METTL16: variants seen among roughly 807,000 people sequenced by gnomAD.
The protein encoded by METTL16 is RNA N(6)-adenosine-methyltransferase METTL16.
In METTL16, 19 loss-of-function variants were observed where a neutral mutation model predicts 57.9. The ratio of observed to expected loss-of-function variants is 0.33; its 90% CI spans 0.23 to 0.48. The LOEUF is 0.48. METTL16 is among the 20% of genes least tolerant of loss of function. The pLI, the probability that METTL16 is intolerant of heterozygous loss-of-function variation, is 0.99. For synonymous variants in METTL16, 246 were observed against 255.6 expected, an observed-to-expected ratio of 0.96 and a Z score of 0.36; for missense variants, 434 against 691.5, an observed-to-expected ratio of 0.63 and a Z score of 4.18.
intron 6 of METTL16, among the ~76,000 whole-genome samples, chr17:2,462,697 T>C (rs888891874): frequency 1.3e-5 from 2 of 152,160 alleles, no homozygotes; most frequent in African/African-American, 4.8e-5. Context: ...CCTTCCGCCA[T>C]GATTGTACGT....
intron 1 of METTL16, among the ~76,000 whole-genome samples, chr17:2,507,754 G>A (rs1464498669): frequency 6.6e-6 from 1 of 152,182 alleles, no homozygotes; most frequent in Non-Finnish European, 1.5e-5. Context: ...AGGTAGACAT[G>A]GGAGACTTTT....
chr17:2,473,750 C>A, intron 3 of METTL16, 86 bp from the exon 4 acceptor site: 1 of 1,403,804 alleles, frequency 7.1e-7, no homozygotes, highest in Non-Finnish European at 9.7e-7. Flanking sequence ...TCTCAGAATT[C>A]TGTTTGCAGA....
chr17:2,486,668 C>T (rs574752629), intron 2 of METTL16, among the ~76,000 whole-genome samples: 1 of 152,104 alleles, frequency 6.6e-6, no homozygotes, highest in African/African-American at 2.4e-5. Context: ...TACTGCTATA[C>T]CTGCGTTAAG....
chr17:2,478,896 C>T (rs1300816403), intron 2 of METTL16, among the ~76,000 whole-genome samples: 1 of 152,134 alleles, frequency 6.6e-6, no homozygotes, highest in African/African-American at 2.4e-5. Context: ...GGGTTGTTTC[C>T]ATCACGGTCA....
At chr17:2,507,240 G>A (rs2067548809) in intron 1 of METTL16, among the ~76,000 whole-genome samples, 1 of 149,240 alleles carries the variant, frequency 6.7e-6, no homozygotes, top group Admixed American at 6.6e-5. Flanking sequence ...CCCCGACCGG[G>A]AGGTGAGGGG....
At chr17:2,491,225 C>G (rs1198461287) in intron 2 of METTL16, among the ~76,000 whole-genome samples, 1 of 152,148 alleles carries the variant, frequency 6.6e-6, no homozygotes, top group East Asian at 1.9e-4. Flanking sequence ...TGAAAATCAG[C>G]AGTTTATTCA....
At chr17:2,468,989 C>A (rs1205277113) in intron 4 of METTL16, among the ~76,000 whole-genome samples, 6 of 151,294 alleles carry the variant, frequency 4.0e-5, no homozygotes, top group African/African-American at 1.5e-4. Context: ...AATTCCAACA[C>A]TTCGGGAGGC....
intron 7 of METTL16, among the ~76,000 whole-genome samples, chr17:2,439,424 C>A (rs2066931328): frequency 6.6e-6 from 1 of 152,042 alleles, no homozygotes; most frequent in Non-Finnish European, 1.5e-5. Flanking sequence ...GGAGTACTTA[C>A]TTGCGACCTG....
chr17:2,507,008 G>A (rs1312156042), intron 1 of METTL16, among the ~76,000 whole-genome samples: 5 of 118,324 alleles, frequency 4.2e-5, no homozygotes, highest in African/African-American at 8.6e-5. Context: ...CCCTCCGCCC[G>A]GCAGCCACCC....
intron 4 of METTL16, among the ~76,000 whole-genome samples, chr17:2,468,832 G>A (rs35149518): frequency 0.085 from 12,898 of 152,082 alleles, 722 homozygotes; most frequent in Non-Finnish European, 0.13. Context: ...AGGCTGCAGC[G>A]AGCCATGATC....
intron 1 of METTL16, among the ~76,000 whole-genome samples, chr17:2,507,593 C>T (rs574660284): frequency 0.011 from 1,641 of 152,140 alleles, 23 homozygotes; most frequent in Non-Finnish European, 0.013. Flanking sequence ...GTGAGGAGCC[C>T]CTCTGCCCGG....
chr17:2,427,344 G>T (rs1025260763), intron 8 of METTL16, among the ~76,000 whole-genome samples: 2 of 151,954 alleles, frequency 1.3e-5, no homozygotes, highest in African/African-American at 4.8e-5. Flanking sequence ...AACAAAAAAG[G>T]CACTCCCTAA....
intron 4 of METTL16, among the ~76,000 whole-genome samples, chr17:2,472,490 A>G (rs1328213436): frequency 6.6e-6 from 1 of 152,220 alleles, no homozygotes; most frequent in Admixed American, 6.5e-5. Flanking sequence ...AGCTGCGCAC[A>G]GATGTTTCTC....
At chr17:2,462,870 A>G (rs922331210) in intron 6 of METTL16, among the ~76,000 whole-genome samples, 3 of 152,180 alleles carry the variant, frequency 2.0e-5, no homozygotes, top group East Asian at 3.8e-4. Context: ...ATTTACCACA[A>G]TAATAATAAT....
At chr17:2,448,789 T>TTAA (rs2067041597) in intron 6 of METTL16, among the ~76,000 whole-genome samples, 1 of 47,734 alleles carries the variant, frequency 2.1e-5, no homozygotes, top group Non-Finnish European at 5.3e-5. Flanking sequence ...AATAAAAAAA[T>TTAA]AAAAATAAAA....
At chr17:2,495,434 C>T (rs2067436251) in intron 2 of METTL16, among the ~76,000 whole-genome samples, 2 of 152,080 alleles carry the variant, frequency 1.3e-5, no homozygotes, top group Non-Finnish European at 1.5e-5. Flanking sequence ...CGGTGGCTCA[C>T]GCCTGTAATC....
In METTL16 at chr17:2,419,566, C is replaced by A. The variant is rs767916270; in HGVS notation, c.*404G>T. On this transcript the variant is annotated 3_prime_UTR_variant, in exon 10 of 10. Coordinates refer to ENST00000263092, the MANE Select transcript of METTL16 (RefSeq NM_024086.4). ...GCCTCCAGCTGGAGGCAGAGAGAGC[C>A]ACCCCTCCTCAAGAAACACCCTTGG... 2 of 460,394 alleles carry A rather than the reference C, an allele frequency of 4.3e-6. No individual in the cohort carries two copies. The highest frequency in any genetic ancestry group is 3.1e-5 in the South Asian group (2 of 64,462). 28.5% of individuals were successfully genotyped at this position (460,394 alleles called of 1,614,324 possible). A position where few individuals can be genotyped will look rare whatever the true frequency, so the allele number is the denominator to read the frequency against.
In METTL16 at chr17:2,420,585, T is replaced by C. The variant is rs975254252; in HGVS notation, c.1074A>G (p.Lys358=). The change falls in exon 10 of 10, where the codon AAA becomes AAG. Residue 358 remains lysine (K), a synonymous_variant. Coordinates refer to ENST00000263092, the MANE Select transcript of METTL16 (RefSeq NM_024086.4). This position sits in a 1 kb window ranked among gnomAD's most constrained non-coding sequence, Gnocchi z 5.4. ...KILTDLKVQH[K]RVPCGKEEVS... The stretch of plus-strand genomic sequence containing the variant: ...CTTCCTCTTTTCCACAGGGAACTCG[T>C]TTATGCTGGACCTGTTTGGAGGAAA... 1 of 1,610,322 alleles carries C rather than the reference T, an allele frequency of 6.2e-7. No homozygotes were observed. The highest frequency in any genetic ancestry group is 1.3e-5 in the African/African-American group (1 of 74,614).
Position 2,420,131 on chromosome 17 carries a change from C to A in METTL16, c.1528G>T (p.Val510Leu), listed in dbSNP as rs754054309. The A allele has an allele frequency of 1.0e-4, 165 of 1,614,154 alleles. No homozygotes were observed. The highest frequency in any genetic ancestry group is 1.2e-4 in the Non-Finnish European group (137 of 1,180,060). The change falls in exon 10 of 10, where the codon GTG (valine) becomes TTG (leucine). Residue 510 changes from valine (V) to leucine (L), a missense_variant. By Grantham distance (32) the Val-to-Leu change is conservative. Transcript: ENST00000263092. The surrounding 1 kb of genome is among the most constrained non-coding windows in gnomAD (Gnocchi z 5.4). The part of the protein sequence containing the change: ...VAERGKRLPG[V>L]AGQYLFKCLI... ...CACTTAAACAGGTACTGTCCGGCCA[C>A]TCCTGGGAGACGTTTCCCCCTTTCA... is the stretch of plus-strand genomic sequence containing the variant.
Sources: allele counts gnomAD v4.1 joint callset (sites outside exome capture counted in the v4.1 genomes callset), GRCh38; gene constraint gnomAD v4.1.1; non-coding constraint Gnocchi (gnomAD v3.1); transcripts MANE v1.5; gene names NCBI Gene and HGNC (gene_info 2026-07-23, HGNC 2026-07-21).